The following LDB2 variants were observed in gnomAD, a reference collection of about 807,000 sequenced individuals.
LDB2 encodes the protein LIM domain-binding protein 2.
Under a neutral mutation model 44.3 loss-of-function variants are expected in LDB2, and 12 were observed. That is an observed-to-expected ratio of 0.27 (90% CI 0.17 to 0.44). LDB2 has a LOEUF of 0.44. Ranked by LOEUF, LDB2 falls within the 20% of genes least tolerant of loss-of-function variation. The probability of loss-of-function intolerance (pLI) is 1.00; values close to 1 mark genes in which losing one functional copy is unlikely to be tolerated. For synonymous variants in LDB2, 164 were observed against 174.8 expected (o/e 0.94, Z 0.49); for missense variants, 344 against 473.5 (o/e 0.73, Z 2.54).
chr4:16,701,260 T>G (rs971666697), intron 2 of LDB2, among the ~76,000 whole-genome samples: 5 of 152,194 alleles, frequency 3.3e-5, no homozygotes, highest in Non-Finnish European at 5.9e-5. Context: ...GCTCAATAGA[T>G]AACCCTTGAG....
intron 2 of LDB2, among the ~76,000 whole-genome samples, chr4:16,636,301 A>G (rs1248502354): frequency 1.3e-5 from 2 of 152,176 alleles, no homozygotes; most frequent in Non-Finnish European, 2.9e-5. Context: ...AATGTGTGGA[A>G]AAAAAGCCTT....
intron 1 of LDB2, among the ~76,000 whole-genome samples, chr4:16,791,625 A>G (rs889934392): frequency 2.0e-5 from 3 of 148,050 alleles, no homozygotes; most frequent in Admixed American, 6.8e-5. Context: ...CAAACACTGT[A>G]ATCTTCCCCA....
At chr4:16,555,398 G>T (rs993619154) in intron 5 of LDB2, among the ~76,000 whole-genome samples, 6 of 152,160 alleles carry the variant, frequency 3.9e-5, no homozygotes, top group African/African-American at 1.4e-4. Flanking sequence ...TTTTCTAAAT[G>T]TGTCTTTTAA....
At chr4:16,568,085 A>C (rs1745186336) in intron 5 of LDB2, among the ~76,000 whole-genome samples, 1 of 152,214 alleles carries the variant, frequency 6.6e-6, no homozygotes, top group Non-Finnish European at 1.5e-5. Flanking sequence ...GTGAATATTT[A>C]ACAATCTTTG....
chr4:16,758,107 T>C (rs1465372521), intron 2 of LDB2, among the ~76,000 whole-genome samples: 4 of 152,190 alleles, frequency 2.6e-5, no homozygotes, highest in Non-Finnish European at 4.4e-5. Context: ...ATTAATCAGT[T>C]AATTATGCAA....
intron 1 of LDB2, among the ~76,000 whole-genome samples, chr4:16,813,857 A>ATTTTC (rs770540195): frequency 8.1e-5 from 12 of 149,000 alleles, no homozygotes; most frequent in East Asian, 5.9e-4. Context: ...AGGGATACTG[A>ATTTTC]TTTTCTTTTC....
intron 2 of LDB2, among the ~76,000 whole-genome samples, chr4:16,624,850 G>A (rs556681253): frequency 6.6e-6 from 1 of 152,276 alleles, no homozygotes; most frequent in Non-Finnish European, 1.5e-5. Context: ...ATTTAAAGTA[G>A]TAAAAGAATT....
At chr4:16,827,202 C>G (rs1009964853) in intron 1 of LDB2, among the ~76,000 whole-genome samples, 2 of 152,050 alleles carry the variant, frequency 1.3e-5, no homozygotes, top group Non-Finnish European at 2.9e-5. Flanking sequence ...AAGGCACTAC[C>G]CGTCTCTCTC....
Position 16,898,589 on chromosome 4 carries a change from G to C in LDB2, c.-104C>G. The C allele has an allele frequency of 2.6e-6, 3 of 1,143,604 alleles. No homozygotes were observed. Among genetic ancestry groups the C allele is most frequent in the South Asian group, 3.1e-5 (2 of 64,190 alleles). The allele number at this position is 1,143,604 out of a possible 1,614,324, so 70.8% of individuals were successfully genotyped here. A position where few individuals can be genotyped will look rare whatever the true frequency, so the allele number is the denominator to read the frequency against. Reference sequence around the variant, plus strand: ...GTACAAAGTAGACGCACGCACACACGCTCACACACACACAGAGGCAGGCAG... The same window carrying C: ...GTACAAAGTAGACGCACGCACACACCCTCACACACACACAGAGGCAGGCAG... On this transcript the variant is annotated 5_prime_UTR_variant, in exon 1 of 8. Coordinates refer to ENST00000304523, the MANE Select transcript of LDB2 (RefSeq NM_001290.5).
chr4:16,526,230 G>A, intron 5 of LDB2, among the ~76,000 whole-genome samples: 1 of 152,186 alleles, frequency 6.6e-6, no homozygotes, highest in Non-Finnish European at 1.5e-5. Context: ...GCAGAGAAAG[G>A]TGAATTCTCT....
At chr4:16,753,056 A>G (rs1765792130) in intron 2 of LDB2, among the ~76,000 whole-genome samples, 1 of 152,212 alleles carries the variant, frequency 6.6e-6, no homozygotes, top group Non-Finnish European at 1.5e-5. Flanking sequence ...CATTATTCCT[A>G]GAAAAAACAC....
At chr4:16,876,906 C>CA (rs1718564044) in intron 1 of LDB2, among the ~76,000 whole-genome samples, 1 of 130,512 alleles carries the variant, frequency 7.7e-6, no homozygotes, top group Admixed American at 8.1e-5. Context: ...TTGTATAGTG[C>CA]TTTTTTTTTT....
At chr4:16,784,849 A>G (rs1373840778) in intron 1 of LDB2, among the ~76,000 whole-genome samples, 1 of 152,166 alleles carries the variant, frequency 6.6e-6, no homozygotes, top group Non-Finnish European at 1.5e-5. Flanking sequence ...AAAAATAACC[A>G]TAATGTCAGA....
intron 2 of LDB2, among the ~76,000 whole-genome samples, chr4:16,688,641 T>C (rs1390863138): frequency 6.6e-6 from 1 of 152,232 alleles, no homozygotes; most frequent in African/African-American, 2.4e-5. Flanking sequence ...CCAGGAGACC[T>C]AGTTTGGAGC....
chr4:16,802,116 A>T (rs1169933592), intron 1 of LDB2, among the ~76,000 whole-genome samples: 1 of 152,086 alleles, frequency 6.6e-6, no homozygotes, highest in Non-Finnish European at 1.5e-5. Context: ...GTCAGTAAGC[A>T]TTAGCCCCAC....
At chr4:16,721,398 G>T (rs1434228035) in intron 2 of LDB2, among the ~76,000 whole-genome samples, 1 of 152,134 alleles carries the variant, frequency 6.6e-6, no homozygotes, top group Non-Finnish European at 1.5e-5. Flanking sequence ...TCAGGAAGAA[G>T]TAGCTCTTGG....
chr4:16,634,738 C>T (rs763853204), intron 2 of LDB2, among the ~76,000 whole-genome samples: 2 of 152,142 alleles, frequency 1.3e-5, no homozygotes, highest in South Asian at 2.1e-4. Flanking sequence ...TGTGGCAATT[C>T]CTCAGGGATC....
chr4:16,684,920 G>A (rs1421975390), intron 2 of LDB2, among the ~76,000 whole-genome samples: 1 of 152,188 alleles, frequency 6.6e-6, no homozygotes, highest in Non-Finnish European at 1.5e-5. Flanking sequence ...GCTATGAAAT[G>A]TAAATAAATG....
At chr4:16,691,185 G>T (rs1166199549) in intron 2 of LDB2, among the ~76,000 whole-genome samples, 1 of 152,092 alleles carries the variant, frequency 6.6e-6, no homozygotes, top group Non-Finnish European at 1.5e-5. Flanking sequence ...ATCCAGGGCT[G>T]CTTGCCTCTA....
Sources: allele counts gnomAD v4.1 joint callset (sites outside exome capture counted in the v4.1 genomes callset), GRCh38; gene constraint gnomAD v4.1.1; transcripts MANE v1.5; gene names NCBI Gene and HGNC (gene_info 2026-07-23, HGNC 2026-07-21).